RABGAP1L: variants seen among roughly 807,000 people sequenced by gnomAD.
The protein encoded by RABGAP1L is rab GTPase-activating protein 1-like.
A neutral mutation model predicts 137.7 loss-of-function variants in RABGAP1L; 63 were observed. The observed-to-expected ratio is 0.46, with a 90% CI of 0.37 to 0.56. RABGAP1L has a LOEUF of 0.56. Among genes scored for constraint, RABGAP1L ranks in the 20% least tolerant of loss-of-function variants. The pLI is 0.00. For synonymous variants in RABGAP1L, 431 were observed against 433.7 expected (o/e 0.99, Z 0.08); for missense variants, 1,095 against 1,244.0 (o/e 0.88, Z 1.80).
At chr1:174,406,456 TG>T (rs1319234035) in intron 13 of RABGAP1L, among the ~76,000 whole-genome samples, 47 of 152,208 alleles carry the variant, frequency 3.1e-4, no homozygotes, top group African/African-American at 1.0e-3. Flanking sequence ...TGAAGAAAGA[TG>T]TTAGAGGTTA....
intron 13 of RABGAP1L, among the ~76,000 whole-genome samples, chr1:174,562,815 G>A (rs1667312945): frequency 6.6e-6 from 1 of 152,070 alleles, no homozygotes; most frequent in South Asian, 2.1e-4. Flanking sequence ...GAGAACACAG[G>A]GACACAGGGA....
intron 14 of RABGAP1L, among the ~76,000 whole-genome samples, chr1:174,672,373 C>T (rs560512012): frequency 2.7e-5 from 4 of 150,604 alleles, no homozygotes; most frequent in Non-Finnish European, 5.9e-5. Flanking sequence ...CTCTGCCTCC[C>T]GGGTTCAAGC....
chr1:174,514,264 A>C (rs966645071), intron 13 of RABGAP1L, among the ~76,000 whole-genome samples: 14 of 151,494 alleles, frequency 9.2e-5, no homozygotes, highest in South Asian at 2.1e-4. Flanking sequence ...AAAAAAAAAA[A>C]AAAAAACTGG....
chr1:174,707,472 A>G (rs1468026597), intron 17 of RABGAP1L, among the ~76,000 whole-genome samples: 2 of 152,190 alleles, frequency 1.3e-5, no homozygotes, highest in Admixed American at 6.5e-5. Flanking sequence ...ACAAAGAGCA[A>G]TGTAGAGACG....
At chr1:174,418,875 C>T (rs1211289052) in intron 13 of RABGAP1L, among the ~76,000 whole-genome samples, 2 of 151,774 alleles carry the variant, frequency 1.3e-5, no homozygotes, top group Admixed American at 6.6e-5. Flanking sequence ...CCTGTCTCTA[C>T]GAAAATGCAA....
intron 12 of RABGAP1L, among the ~76,000 whole-genome samples, chr1:174,389,765 A>G (rs1687071714): frequency 6.6e-6 from 1 of 152,150 alleles, no homozygotes; most frequent in South Asian, 2.1e-4. Context: ...GGTGCTTAAG[A>G]TATATAAGTA....
intron 1 of RABGAP1L, among the ~76,000 whole-genome samples, chr1:174,196,424 C>T (rs1667695396): frequency 6.6e-6 from 1 of 151,966 alleles, no homozygotes. Context: ...CGGGGTTTCG[C>T]TGTGTTAGCC....
chr1:174,328,024 T>TATATATAC (rs1348906110), intron 11 of RABGAP1L, among the ~76,000 whole-genome samples: 1 of 119,508 alleles, frequency 8.4e-6, no homozygotes, highest in Admixed American at 8.8e-5. Context: ...TATATATATA[T>TATATATAC]ACCCAACATC....
At chr1:174,295,445 G>A (rs1250976440) in intron 10 of RABGAP1L, among the ~76,000 whole-genome samples, 14 of 151,816 alleles carry the variant, frequency 9.2e-5, no homozygotes, top group African/African-American at 2.7e-4. Flanking sequence ...GTGCAGTGGC[G>A]CCATCTCAGC....
intron 11 of RABGAP1L, among the ~76,000 whole-genome samples, chr1:174,313,726 G>A (rs1571168474): frequency 6.6e-6 from 1 of 152,194 alleles, no homozygotes; most frequent in South Asian, 2.1e-4. Context: ...ATCATGAAGG[G>A]ATGTGGAATT....
At position 174,639,344 on chromosome 1, in the gene RABGAP1L, A is replaced by G. The variant is rs527593916; in HGVS notation, c.1824+1856A>G. ...AAGTGATATATCATCTACTTTGAAAAGTACCAAAGACCATTGGATGCCACA... is the reference window on the plus strand; with the variant it reads ...AAGTGATATATCATCTACTTTGAAAGGTACCAAAGACCATTGGATGCCACA... On this transcript the variant is annotated intron_variant, in intron 14 of 25. Coordinates refer to ENST00000681986, the MANE Select transcript of RABGAP1L (RefSeq NM_001366446.1). Among the ~76,000 whole-genome samples the G allele has an allele frequency of 2.0e-5, 3 of 152,314 alleles. No homozygotes were observed. In the South Asian group the frequency reaches 6.2e-4, roughly 32 times the overall value.
intron 13 of RABGAP1L, among the ~76,000 whole-genome samples, chr1:174,515,708 T>G (rs1662763561): frequency 6.6e-6 from 1 of 152,168 alleles, no homozygotes; most frequent in Non-Finnish European, 1.5e-5. Context: ...TAGCCCACCA[T>G]GACTAGGTAT....
chr1:174,548,029 C>G, intron 13 of RABGAP1L: 3 of 1,550,590 alleles, frequency 1.9e-6, no homozygotes, highest in South Asian at 2.4e-5. Context: ...AAAACACCAA[C>G]TTATTAAGAG....
At chr1:174,551,007 T>TATAC (rs1553330315) in intron 13 of RABGAP1L, among the ~76,000 whole-genome samples, 5 of 124,338 alleles carry the variant, frequency 4.0e-5, no homozygotes, top group Admixed American at 1.6e-4. Context: ...CACATATATA[T>TATAC]ATATATATAT....
intron 13 of RABGAP1L, among the ~76,000 whole-genome samples, chr1:174,615,489 G>T (rs545836416): frequency 6.6e-6 from 1 of 152,296 alleles, no homozygotes; most frequent in South Asian, 2.1e-4. Flanking sequence ...GCCCCTACTT[G>T]GGGGTGCCTC....
At position 174,633,826 on chromosome 1, in the gene RABGAP1L, G is replaced by A. The variant is rs1230455672; in HGVS notation, c.1711-3549G>A. On this transcript the variant is annotated intron_variant, in intron 13 of 25. Coordinates refer to ENST00000681986, the MANE Select transcript of RABGAP1L (RefSeq NM_001366446.1). ...TAAATGGTGCTGGGAAAACTGGCTA[G>A]CCATATGTAGAAAGCTGAAACTGGA... is the stretch of plus-strand genomic sequence containing the variant. 3.0e-5 allele frequency among the ~76,000 whole-genome samples: 4 copies of A among 132,064 alleles called. No homozygotes were observed. In the East Asian group the frequency reaches 8.3e-4, roughly 28 times the overall value. The allele number at this position is 132,064 out of a possible 152,430, so 86.6% of individuals were successfully genotyped here. A position where few individuals can be genotyped will look rare whatever the true frequency, so the allele number is the denominator to read the frequency against.
chr1:174,454,823 A>T (rs2149266359), intron 13 of RABGAP1L, among the ~76,000 whole-genome samples: 1 of 152,142 alleles, frequency 6.6e-6, no homozygotes, highest in East Asian at 1.9e-4. Context: ...AAGTGCTGGG[A>T]TGACAGGCAT....
intron 13 of RABGAP1L, among the ~76,000 whole-genome samples, chr1:174,620,680 C>A (rs775058866): frequency 6.6e-6 from 1 of 151,946 alleles, no homozygotes; most frequent in Non-Finnish European, 1.5e-5. Flanking sequence ...CAAGAGAAAG[C>A]AGGAAAGATC....
intron 13 of RABGAP1L, among the ~76,000 whole-genome samples, chr1:174,622,595 G>C (rs6675515): frequency 6.6e-6 from 1 of 151,946 alleles, no homozygotes; most frequent in Non-Finnish European, 1.5e-5. Flanking sequence ...TCAGCAAACT[G>C]TCACAAGGAC....
Sources: allele counts gnomAD v4.1 joint callset (sites outside exome capture counted in the v4.1 genomes callset), GRCh38; gene constraint gnomAD v4.1.1; transcripts MANE v1.5; gene names NCBI Gene and HGNC (gene_info 2026-07-23, HGNC 2026-07-21).